RNF182: variants seen among roughly 807,000 people sequenced by gnomAD.
RNF182 encodes ring finger protein 182, also known as E3 ubiquitin-protein ligase RNF182.
In RNF182, 15 loss-of-function variants were observed where a neutral mutation model predicts 14.4. That is an observed-to-expected ratio of 1.04 (90% confidence interval 0.70 to 1.60). The LOEUF is 1.60. Ranked by LOEUF, RNF182 falls within the 40% of genes most tolerant of loss-of-function variation. RNF182 has a pLI of 0.00. For synonymous variants in RNF182, 128 were observed against 122.9 expected (o/e 1.04, Z -0.27); for missense variants, 268 against 294.8 (o/e 0.91, Z 0.67).
At chr6:13,950,066 C>T (rs1275831458) in intron 1 of RNF182, among the ~76,000 whole-genome samples, 1 of 152,212 alleles carries the variant, frequency 6.6e-6, no homozygotes. Flanking sequence ...AAACTTCTCA[C>T]ATTCCCATGT....
intron 1 of RNF182, among the ~76,000 whole-genome samples, chr6:13,966,669 G>A (rs62385925): frequency 0.35 from 52,454 of 151,658 alleles, 9,433 homozygotes; most frequent in East Asian, 0.44. Flanking sequence ...AGGCTGAGGC[G>A]GGAAGATTGC....
intron 1 of RNF182, among the ~76,000 whole-genome samples, chr6:13,951,161 A>G (rs1174810070): frequency 6.6e-6 from 1 of 152,194 alleles, no homozygotes; most frequent in Non-Finnish European, 1.5e-5. Context: ...CACACAACAC[A>G]TATAAATACA....
chr6:13,949,429 C>G (rs1759526350), intron 1 of RNF182: 1 of 715,930 alleles, frequency 1.4e-6, no homozygotes, highest in Non-Finnish European at 2.6e-6. Flanking sequence ...AAGCTGTCAT[C>G]TATAGGTTTC....
At chr6:13,945,370 T>C (rs1490410300) in intron 1 of RNF182, among the ~76,000 whole-genome samples, 1 of 152,204 alleles carries the variant, frequency 6.6e-6, no homozygotes, top group East Asian at 1.9e-4. Context: ...GCCAGGGCAT[T>C]CTTTTAGCAA....
chr6:13,944,890 A>G (rs984913528), intron 1 of RNF182, among the ~76,000 whole-genome samples: 1 of 152,204 alleles, frequency 6.6e-6, no homozygotes, highest in Admixed American at 6.5e-5. Flanking sequence ...ATTGTTATAT[A>G]GCAATTTGCT....
In RNF182 at chr6:13,977,118, A is replaced by G. The variant is rs1200272928; in HGVS notation, c.-2A>G. ...GGCATAAGATTGCACACATAATTCA[A>G]GATGGCCAGTCAACCTCCTGAAGAC... On this transcript the variant is annotated 5_prime_UTR_variant, in exon 3 of 3. Transcript: ENST00000488300. 1.2e-6 allele frequency: 2 copies of G among 1,608,980 alleles called. No individual in the cohort carries two copies. The highest frequency in any genetic ancestry group is 1.7e-6 in the Non-Finnish European group (2 of 1,176,894).
At chr6:13,931,848 TA>T (rs1419895400) in intron 1 of RNF182, among the ~76,000 whole-genome samples, 3 of 152,148 alleles carry the variant, frequency 2.0e-5, no homozygotes, top group African/African-American at 7.2e-5. Flanking sequence ...AAGGTGATGG[TA>T]TTAGGAGGTA....
chr6:13,946,564 GGTCT>G (rs1394262794), intron 1 of RNF182, among the ~76,000 whole-genome samples: 1 of 152,026 alleles, frequency 6.6e-6, no homozygotes, highest in African/African-American at 2.4e-5. Context: ...TTAAGTCCTG[GGTCT>G]GTTCAGTAAA....
intron 1 of RNF182, among the ~76,000 whole-genome samples, chr6:13,947,677 A>G (rs866871635): frequency 6.6e-6 from 1 of 152,206 alleles, no homozygotes; most frequent in African/African-American, 2.4e-5. Flanking sequence ...AGAAAGTGAC[A>G]TTCTTTACTT....
intron 1 of RNF182, among the ~76,000 whole-genome samples, chr6:13,969,991 G>A (rs1760135002): frequency 6.6e-6 from 1 of 151,972 alleles, no homozygotes; most frequent in Admixed American, 6.6e-5. Flanking sequence ...CTACAGATAT[G>A]TCCATCCTAG....
rs774752259 is a variant in RNF182, at chr6:13,980,198, GTTTTTTTATT to G, written c.*2338_*2347del. 1 of 88,750 alleles carries G rather than the reference GTTTTTTTATT, an allele frequency of 1.1e-5. No homozygotes were observed. Among genetic ancestry groups the G allele is most frequent in the African/African-American group, 3.4e-5 (1 of 29,698 alleles). The allele number at this position is 88,750 out of a possible 1,614,324, so 5.5% of individuals were successfully genotyped here. A position where few individuals can be genotyped will look rare whatever the true frequency, so the allele number is the denominator to read the frequency against. On this transcript the variant is annotated 3_prime_UTR_variant, in exon 3 of 3. Coordinates refer to ENST00000488300, the MANE Select transcript of RNF182 (RefSeq NM_152737.4). ...ATCACACTTTTAAAAGGCCTTCATA[GTTTTTTTATT>G]TTATTTTATTTTATTTTATTTTATT...
intron 1 of RNF182, among the ~76,000 whole-genome samples, chr6:13,941,656 A>G (rs193206240): frequency 1.3e-5 from 2 of 151,772 alleles, no homozygotes; most frequent in Admixed American, 1.3e-4. Context: ...ATTTTAATTC[A>G]GTTTTCTTCT....
chr6:13,973,217 C>G (rs1254110765), intron 1 of RNF182, among the ~76,000 whole-genome samples: 1 of 152,162 alleles, frequency 6.6e-6, no homozygotes, highest in African/African-American at 2.4e-5. Flanking sequence ...TTATCCAATG[C>G]CTGTACCCCC....
At position 13,937,912 on chromosome 6, in the gene RNF182, T is replaced by A. The variant is rs1759176908; in HGVS notation, c.-367+12889T>A. Among the ~76,000 whole-genome samples, 2 of 152,200 alleles carry A rather than the reference T, an allele frequency of 1.3e-5. 1 individual carries two copies. Among genetic ancestry groups the A allele is most frequent in the South Asian group, 4.1e-4 (2 of 4,830 alleles). ...TCCTAATAAGTGATATTGAGCATTT[T>A]TTCATGTTTTATTAGCCATTTGGAT... On this transcript the variant is annotated intron_variant, in intron 1 of 2. Coordinates refer to ENST00000488300, the MANE Select transcript of RNF182 (RefSeq NM_152737.4).
chr6:13,931,795 G>A (rs1758978959), intron 1 of RNF182, among the ~76,000 whole-genome samples: 1 of 152,088 alleles, frequency 6.6e-6, no homozygotes, highest in Non-Finnish European at 1.5e-5. Flanking sequence ...TGGACAGCAT[G>A]CTCATGTCCC....
At chr6:13,933,129 A>G (rs1759014868) in intron 1 of RNF182, among the ~76,000 whole-genome samples, 1 of 152,236 alleles carries the variant, frequency 6.6e-6, no homozygotes, top group Non-Finnish European at 1.5e-5. Flanking sequence ...CCTCCTGTGT[A>G]GTCATCATAA....
chr6:13,975,271 A>G (rs1760294546), intron 2 of RNF182, among the ~76,000 whole-genome samples: 1 of 152,234 alleles, frequency 6.6e-6, no homozygotes, highest in African/African-American at 2.4e-5. Context: ...TGAGCAGGAC[A>G]TAGTCATATT....
chr6:13,960,398 T>C (rs1161096920), intron 1 of RNF182, among the ~76,000 whole-genome samples: 3 of 152,044 alleles, frequency 2.0e-5, no homozygotes, highest in African/African-American at 7.3e-5. Flanking sequence ...TCCCAGCACG[T>C]TGGGAGGCCA....
At chr6:13,958,310 C>T (rs1038173254) in intron 1 of RNF182, among the ~76,000 whole-genome samples, 1 of 151,766 alleles carries the variant, frequency 6.6e-6, no homozygotes. Flanking sequence ...CGCCTGAACC[C>T]GGGAGAGGGA....
Sources: gnomAD v4.1 joint callset for allele counts (sites outside exome capture counted in the v4.1 genomes callset) on GRCh38, gnomAD v4.1.1 for gene constraint, MANE v1.5 for transcripts, NCBI Gene and HGNC (gene_info 2026-07-23, HGNC 2026-07-21) for gene names.